Variants in EPHA6 observed in about 807,000 individuals in gnomAD.
The protein encoded by EPHA6 is EPH receptor A6.
EPHA6 carries 50 observed loss-of-function variants against 112.0 expected under a neutral mutation model. The observed-to-expected ratio is 0.45, with a 90% CI of 0.36 to 0.56. The LOEUF (loss-of-function observed/expected upper bound fraction) is 0.56. Ranked by LOEUF, EPHA6 falls within the 20% of genes least tolerant of loss-of-function variation. The pLI, the probability that EPHA6 is intolerant of heterozygous loss-of-function variation, is 0.00. For synonymous variants in EPHA6, 529 were observed against 490.7 expected, an observed-to-expected ratio of 1.08 and a Z score of -1.03; for missense variants, 1,280 against 1,417.4, an observed-to-expected ratio of 0.90 and a Z score of 1.56.
At chr3:97,078,609 A>G (rs547748015) in intron 3 of EPHA6, among the ~76,000 whole-genome samples, 28 of 152,270 alleles carry the variant, frequency 1.8e-4, no homozygotes, top group African/African-American at 6.3e-4. Flanking sequence ...AGCTTTCTAC[A>G]TATGGCTGGC....
chr3:97,044,314 A>C (rs1322554319), intron 3 of EPHA6, among the ~76,000 whole-genome samples: 1 of 152,212 alleles, frequency 6.6e-6, no homozygotes, highest in Admixed American at 6.5e-5. Context: ...TCAAGCAAGA[A>C]AATGAAATTA....
chr3:97,202,788 T>C (rs1164151593), intron 3 of EPHA6, among the ~76,000 whole-genome samples: 1 of 152,186 alleles, frequency 6.6e-6, no homozygotes, highest in Non-Finnish European at 1.5e-5. Context: ...TTATGTACTA[T>C]GGATAAATCA....
chr3:97,543,448 G>A (rs1426826440), intron 11 of EPHA6, among the ~76,000 whole-genome samples: 6 of 152,160 alleles, frequency 3.9e-5, no homozygotes, highest in East Asian at 3.9e-4. Context: ...TGTTCCATTG[G>A]TCTATATCTC....
chr3:97,638,837 C>G (rs534470160), intron 14 of EPHA6, among the ~76,000 whole-genome samples: 1 of 152,240 alleles, frequency 6.6e-6, no homozygotes, highest in Admixed American at 6.5e-5. Flanking sequence ...TCACCACTAA[C>G]TCATTTGGCA....
intron 5 of EPHA6, among the ~76,000 whole-genome samples, chr3:97,326,784 G>T (rs140814152): frequency 6.6e-6 from 1 of 152,044 alleles, no homozygotes; most frequent in African/African-American, 2.4e-5. Context: ...ATAGTAGAAG[G>T]CATGGGAAAT....
At chr3:97,281,895 T>C (rs960108278) in intron 5 of EPHA6, among the ~76,000 whole-genome samples, 5 of 152,162 alleles carry the variant, frequency 3.3e-5, no homozygotes, top group Non-Finnish European at 7.3e-5. Context: ...TTAATCCTTT[T>C]CAATAATTTA....
intron 3 of EPHA6, among the ~76,000 whole-genome samples, chr3:97,038,092 A>G (rs563623535): frequency 1.3e-5 from 2 of 152,182 alleles, no homozygotes; most frequent in East Asian, 3.9e-4. Flanking sequence ...CATATAATGT[A>G]CAAATATCAA....
chr3:97,090,975 T>A (rs2047047685), intron 3 of EPHA6, among the ~76,000 whole-genome samples: 1 of 152,138 alleles, frequency 6.6e-6, no homozygotes, highest in African/African-American at 2.4e-5. Context: ...CACTAATAAT[T>A]ACAGTAATAA....
chr3:97,230,506 A>C (rs1478631276), intron 4 of EPHA6, among the ~76,000 whole-genome samples: 1 of 152,170 alleles, frequency 6.6e-6, no homozygotes, highest in East Asian at 1.9e-4. Flanking sequence ...AGTAGAAGCA[A>C]AGAAAGGTTT....
chr3:97,202,911 C>T (rs2077616098), intron 3 of EPHA6, among the ~76,000 whole-genome samples: 1 of 152,090 alleles, frequency 6.6e-6, no homozygotes, highest in Non-Finnish European at 1.5e-5. Context: ...TAGGGACTTA[C>T]TGGCTAGAGG....
At chr3:97,428,165 T>G (rs2089279362) in intron 6 of EPHA6, among the ~76,000 whole-genome samples, 1 of 152,172 alleles carries the variant, frequency 6.6e-6, no homozygotes, top group Non-Finnish European at 1.5e-5. Flanking sequence ...CCCAGAAGAC[T>G]ACATATAATA....
intron 3 of EPHA6, among the ~76,000 whole-genome samples, chr3:97,059,782 G>A (rs978596085): frequency 1.3e-5 from 2 of 151,362 alleles, no homozygotes; most frequent in African/African-American, 2.4e-5. Flanking sequence ...TTATTCAAAT[G>A]TATTTCTCAA....
At chr3:97,371,698 C>A (rs1292806527) in intron 5 of EPHA6, among the ~76,000 whole-genome samples, 3 of 152,070 alleles carry the variant, frequency 2.0e-5, no homozygotes, top group South Asian at 2.1e-4. Context: ...GTGGGCCAGG[C>A]GGAACAGAGC....
Position 97,076,760 on chromosome 3 carries a change from G to T in EPHA6, c.1114+88767G>T, listed in dbSNP as rs141882845. 4.5e-4 allele frequency among the ~76,000 whole-genome samples: 69 copies of T among 152,186 alleles called. 2 individuals are homozygous for T. The highest frequency in any genetic ancestry group is 1.6e-3 in the African/African-American group (67 of 41,540). ...GCTAATGCAGCTTGTAATGTTGAGT[G>T]GGAGTCAGTGCTCATTTGCTATTCC... On this transcript the variant is annotated intron_variant, in intron 3 of 17. Coordinates refer to ENST00000389672, the MANE Select transcript of EPHA6 (RefSeq NM_001080448.3).
intron 14 of EPHA6, among the ~76,000 whole-genome samples, chr3:97,678,404 A>G (rs1204445748): frequency 6.6e-6 from 1 of 152,140 alleles, no homozygotes; most frequent in Non-Finnish European, 1.5e-5. Flanking sequence ...AGTTTTGAAG[A>G]CTACAAAGTA....
chr3:96,920,789 A>G (rs1447069585), intron 2 of EPHA6, among the ~76,000 whole-genome samples: 9 of 152,080 alleles, frequency 5.9e-5, no homozygotes, highest in Non-Finnish European at 8.8e-5. Context: ...TTGAACTTAA[A>G]TAAAATTTCT....
At chr3:96,905,708 G>GTT (rs574559070) in intron 2 of EPHA6, among the ~76,000 whole-genome samples, 4 of 148,088 alleles carry the variant, frequency 2.7e-5, no homozygotes, top group South Asian at 2.1e-4. Context: ...TTCTCATTAG[G>GTT]TTTTTTTTTT....
At chr3:97,540,163 T>C (rs181933775) in intron 11 of EPHA6, among the ~76,000 whole-genome samples, 87 of 152,350 alleles carry the variant, frequency 5.7e-4, no homozygotes, top group Non-Finnish European at 1.0e-3. Context: ...GGTGATTTAC[T>C]GTGCTTTCTC....
intron 5 of EPHA6, among the ~76,000 whole-genome samples, chr3:97,320,454 C>G (rs1194227765): frequency 6.6e-6 from 1 of 151,726 alleles, no homozygotes; most frequent in Non-Finnish European, 1.5e-5. Context: ...CAAATCTTTT[C>G]TGAATGCTCT....
Sources: gnomAD v4.1 joint callset for allele counts (sites outside exome capture counted in the v4.1 genomes callset) on GRCh38, gnomAD v4.1.1 for gene constraint, MANE v1.5 for transcripts, NCBI Gene and HGNC (gene_info 2026-07-23, HGNC 2026-07-21) for gene names.